COL8A1: variants seen among roughly 807,000 people sequenced by gnomAD.
COL8A1 encodes collagen alpha-1(VIII) chain.
A neutral mutation model predicts 42.7 loss-of-function variants in COL8A1; 21 were observed. The observed-to-expected ratio is 0.49, with a 90% CI of 0.35 to 0.71. The LOEUF is 0.71. Among genes scored for constraint, COL8A1 ranks in the 30% least tolerant of loss-of-function variants. COL8A1 has a pLI of 0.01. For synonymous variants in COL8A1, 367 were observed against 369.1 expected (o/e 0.99, Z 0.06); for missense variants, 788 against 962.4 (o/e 0.82, Z 2.40).
intron 1 of COL8A1, among the ~76,000 whole-genome samples, chr3:99,693,606 A>T (rs368145677): frequency 5.2e-4 from 79 of 152,378 alleles, no homozygotes; most frequent in Middle Eastern, 6.8e-3. Flanking sequence ...TAAGGATACA[A>T]AGAAAGAAAC....
intron 1 of COL8A1, among the ~76,000 whole-genome samples, chr3:99,725,987 C>T (rs1193844619): frequency 6.6e-6 from 1 of 152,126 alleles, no homozygotes; most frequent in Non-Finnish European, 1.5e-5. Context: ...GAGGAATCGC[C>T]ACACTAACTT....
chr3:99,747,667 A>G (rs1453840673), intron 2 of COL8A1, among the ~76,000 whole-genome samples: 1 of 152,176 alleles, frequency 6.6e-6, no homozygotes, highest in Non-Finnish European at 1.5e-5. Context: ...CCAATTTTTG[A>G]TGACTGTAAT....
chr3:99,765,077 A>G (rs1941437017), intron 2 of COL8A1, among the ~76,000 whole-genome samples: 1 of 152,196 alleles, frequency 6.6e-6, no homozygotes, highest in Non-Finnish European at 1.5e-5. Flanking sequence ...AATAACAAAG[A>G]TGATACAACA....
rs781535067 is a variant in COL8A1 at position 99,787,876 on chromosome 3, C to CACACA, written c.-3-2804_-3-2803insACACA. On this transcript the variant is annotated intron_variant, in intron 2 of 3. Transcript: ENST00000652472. Reference sequence around the variant, plus strand: ...CACAAATACACACACACACACACACCCACACCCACACACACACACACCAGC... The same window carrying CACACA: ...CACAAATACACACACACACACACACCACACACACACCCACACACACACACACCAGC... Among the ~76,000 whole-genome samples, 56 of 46,584 alleles carry CACACA rather than the reference C, an allele frequency of 1.2e-3. 1 individual carries two copies. The highest frequency in any genetic ancestry group is 9.2e-3 in the South Asian group (14 of 1,520). 30.6% of individuals were successfully genotyped at this position (46,584 alleles called of 152,430 possible). A position where few individuals can be genotyped will look rare whatever the true frequency, so the allele number is the denominator to read the frequency against.
intron 1 of COL8A1, among the ~76,000 whole-genome samples, chr3:99,661,468 G>T (rs1371003453): frequency 6.6e-6 from 1 of 152,052 alleles, no homozygotes; most frequent in African/African-American, 2.4e-5. Flanking sequence ...ACCAGAAAAT[G>T]ACAATTTTTA....
chr3:99,739,473 A>C (rs1445622400), intron 1 of COL8A1, among the ~76,000 whole-genome samples: 1 of 152,236 alleles, frequency 6.6e-6, no homozygotes, highest in African/African-American at 2.4e-5. Context: ...TCGCCCCTGC[A>C]GCAGGCTTCT....
At chr3:99,642,422 G>T (rs974985839) in intron 1 of COL8A1, among the ~76,000 whole-genome samples, 1 of 152,212 alleles carries the variant, frequency 6.6e-6, no homozygotes, top group South Asian at 2.1e-4. Flanking sequence ...AAAACAAAAA[G>T]TGTTCACCAA....
chr3:99,653,355 C>A (rs544499759), intron 1 of COL8A1, among the ~76,000 whole-genome samples: 3 of 152,094 alleles, frequency 2.0e-5, no homozygotes, highest in African/African-American at 7.2e-5. Context: ...TATTTATGGG[C>A]TGATTGACAT....
At position 99,723,740 on chromosome 3, in the gene COL8A1, G is replaced by C. The variant is rs989230811; in HGVS notation, c.-128-21157G>C. ...ACCCTCTGAGTAAATTCCTCTGAAG[G>C]AAATACCCTCTCCCTTAACTCCAAA... On this transcript the variant is annotated intron_variant, in intron 1 of 3. Coordinates refer to ENST00000652472, the MANE Select transcript of COL8A1 (RefSeq NM_020351.4). Among the ~76,000 whole-genome samples the C allele has an allele frequency of 3.9e-5, 6 of 152,174 alleles. No homozygotes were observed. The East Asian group carries it at 1.2e-3, about 29-fold the overall frequency.
At chr3:99,709,750 G>A (rs1054035071) in intron 1 of COL8A1, among the ~76,000 whole-genome samples, 25 of 152,148 alleles carry the variant, frequency 1.6e-4, no homozygotes, top group African/African-American at 6.0e-4. Flanking sequence ...AGCAACAGAG[G>A]CATTATCAGT....
chr3:99,705,145 C>A (rs557313087), intron 1 of COL8A1, among the ~76,000 whole-genome samples: 3 of 152,182 alleles, frequency 2.0e-5, no homozygotes, highest in Non-Finnish European at 2.9e-5. Flanking sequence ...CCCCGCAAAA[C>A]AAAGTAATGG....
chr3:99,703,278 T>C (rs775902958), intron 1 of COL8A1: 1 of 152,184 alleles, frequency 6.6e-6, no homozygotes, highest in African/African-American at 2.4e-5. Flanking sequence ...TCACAAGCTA[T>C]GAGATTTGCG....
chr3:99,725,615 T>A (rs1257836786), intron 1 of COL8A1, among the ~76,000 whole-genome samples: 1 of 135,050 alleles, frequency 7.4e-6, no homozygotes, highest in African/African-American at 2.8e-5. Context: ...CCTTCCTGTG[T>A]CCATGTGTTC....
intron 3 of COL8A1, among the ~76,000 whole-genome samples, chr3:99,791,944 T>G (rs1942008443): frequency 6.6e-6 from 1 of 152,182 alleles, no homozygotes. Context: ...GAGTAAATGC[T>G]AAAGCACCAT....
At chr3:99,652,606 A>T (rs1211795116) in intron 1 of COL8A1, among the ~76,000 whole-genome samples, 1 of 152,206 alleles carries the variant, frequency 6.6e-6, no homozygotes, top group East Asian at 1.9e-4. Flanking sequence ...AGAAAAAAGA[A>T]AGTGCAGCAA....
chr3:99,686,036 T>C (rs1196969934), intron 1 of COL8A1, among the ~76,000 whole-genome samples: 1 of 152,134 alleles, frequency 6.6e-6, no homozygotes, highest in African/African-American at 2.4e-5. Flanking sequence ...TTTTGAAAAA[T>C]CCACACAAAA....
At chr3:99,697,125 T>C (rs865885137) in intron 1 of COL8A1, among the ~76,000 whole-genome samples, 231 of 150,342 alleles carry the variant, frequency 1.5e-3, no homozygotes, top group South Asian at 6.7e-3. Flanking sequence ...TAGCTGGGAC[T>C]ACAGGCGCCC....
intron 2 of COL8A1, among the ~76,000 whole-genome samples, chr3:99,789,376 CCACT>C (rs1941953791): frequency 6.6e-6 from 1 of 152,128 alleles, no homozygotes; most frequent in Non-Finnish European, 1.5e-5. Context: ...GAGAAATTTG[CCACT>C]TCTCTCTCTC....
At chr3:99,713,765 A>C (rs1939911806) in intron 1 of COL8A1, among the ~76,000 whole-genome samples, 1 of 146,036 alleles carries the variant, frequency 6.8e-6, no homozygotes, top group Non-Finnish European at 1.5e-5. Context: ...GAGTATTATA[A>C]GTTCTGGGAA....
Sources: allele counts gnomAD v4.1 joint callset (sites outside exome capture counted in the v4.1 genomes callset), GRCh38; gene constraint gnomAD v4.1.1; transcripts MANE v1.5; gene names NCBI Gene and HGNC (gene_info 2026-07-23, HGNC 2026-07-21).